CEP350: variants seen among roughly 807,000 people sequenced by gnomAD.
The protein encoded by CEP350 is centrosome-associated protein 350.
In CEP350, 126 loss-of-function variants were observed where a neutral mutation model predicts 331.8. The ratio of observed to expected loss-of-function variants is 0.38; its 90% CI spans 0.33 to 0.44. The LOEUF (loss-of-function observed/expected upper bound fraction) is 0.44, where lower values mean the gene tolerates loss of function less well. Among genes scored for constraint, CEP350 ranks in the 20% least tolerant of loss-of-function variants. The probability of loss-of-function intolerance (pLI) is 1.00; values close to 1 mark genes in which losing one functional copy is unlikely to be tolerated. For synonymous variants in CEP350, 1,200 were observed against 1,259.5 expected (o/e 0.95, Z 1.00); for missense variants, 3,406 against 3,634.6 (o/e 0.94, Z 1.62).
At chr1:180,039,709 G>GT (rs1461126075) in intron 17 of CEP350, among the ~76,000 whole-genome samples, 1 of 151,574 alleles carries the variant, frequency 6.6e-6, no homozygotes, top group African/African-American at 2.4e-5. Flanking sequence ...CTCCAACTTT[G>GT]TTTCTTTTTT....
In CEP350 at chr1:179,997,160, G is replaced by C. The variant is rs1355586573; in HGVS notation, c.1003G>C (p.Ala335Pro). The change falls in exon 6 of 38, where the codon GCT becomes CCT. Residue 335 changes from alanine (A) to proline (P), a missense_variant. By Grantham distance (27) the Ala-to-Pro change is conservative (BLOSUM62 -1). Transcript: ENST00000367607. ...KVRKVATAPP[A>P]PAYKGFNPSE... Reference sequence around the variant, plus strand: ...CAGAAAAGTGGCAACAGCACCACCTGCTCCAGCATATAAAGGTTTGTAATC... The same window carrying C: ...CAGAAAAGTGGCAACAGCACCACCTCCTCCAGCATATAAAGGTTTGTAATC... 3.1e-6 allele frequency: 5 copies of C among 1,612,712 alleles called. No individual in the cohort carries two copies. Among genetic ancestry groups the C allele is most frequent in the Non-Finnish European group, 4.2e-6 (5 of 1,179,316 alleles).
chr1:180,023,170 G>A (rs534353928), intron 13 of CEP350, among the ~76,000 whole-genome samples: 25 of 152,230 alleles, frequency 1.6e-4, no homozygotes, highest in African/African-American at 6.0e-4. Flanking sequence ...ATATAGGGAG[G>A]CTGAGGCACG....
chr1:179,994,798 G>A (rs571023527), intron 5 of CEP350, among the ~76,000 whole-genome samples: 1 of 152,158 alleles, frequency 6.6e-6, no homozygotes, highest in South Asian at 2.1e-4. Flanking sequence ...AGGATCTAAA[G>A]TTTTTTGGGT....
intron 12 of CEP350, among the ~76,000 whole-genome samples, chr1:180,021,670 G>T (rs1412692583): frequency 1.3e-5 from 2 of 151,754 alleles, no homozygotes; most frequent in Non-Finnish European, 2.9e-5. Context: ...AAAAAGAAAA[G>T]AAACTAAGTA....
At chr1:180,108,383 C>T (rs965949050) in intron 37 of CEP350, among the ~76,000 whole-genome samples, 1 of 152,122 alleles carries the variant, frequency 6.6e-6, no homozygotes, top group African/African-American at 2.4e-5. Flanking sequence ...CCTGTAATCC[C>T]AGCACTTTGG....
chr1:180,025,894 A>G (rs1243400758), intron 14 of CEP350, among the ~76,000 whole-genome samples: 1 of 152,184 alleles, frequency 6.6e-6, no homozygotes, highest in Non-Finnish European at 1.5e-5. Flanking sequence ...CTGCACATGT[A>G]TCCCAGAACT....
At chr1:180,091,288 C>T (rs1441125179) in intron 33 of CEP350, among the ~76,000 whole-genome samples, 1 of 151,928 alleles carries the variant, frequency 6.6e-6, no homozygotes, top group East Asian at 1.9e-4. Context: ...TTGAACATTA[C>T]CAGCACTTCA....
chr1:179,955,521 T>G (rs1280879964), intron 1 of CEP350, among the ~76,000 whole-genome samples: 1 of 152,224 alleles, frequency 6.6e-6, no homozygotes, highest in Non-Finnish European at 1.5e-5. Flanking sequence ...GTGGCAGGGA[T>G]GATCAGTTTC....
intron 1 of CEP350, among the ~76,000 whole-genome samples, chr1:179,972,381 G>C (rs1176246643): frequency 1.3e-5 from 2 of 152,160 alleles, no homozygotes; most frequent in Non-Finnish European, 2.9e-5. Context: ...AACTAGAGAA[G>C]TGGGAAGATG....
intron 8 of CEP350, 119 bp from the exon 9 acceptor site, chr1:180,011,810 T>C (rs1441193578): frequency 1.5e-6 from 1 of 663,478 alleles, no homozygotes; most frequent in Non-Finnish European, 2.5e-6. Flanking sequence ...CATTATATTG[T>C]AAATCTTTTG....
chr1:180,016,382 G>A (rs1295297745), intron 11 of CEP350, among the ~76,000 whole-genome samples: 3 of 152,056 alleles, frequency 2.0e-5, no homozygotes, highest in African/African-American at 7.2e-5. Context: ...AGCTACCTTT[G>A]GATATGCTTG....
In CEP350 at chr1:180,048,852, T is replaced by G. The variant is rs919640346; in HGVS notation, c.4792+147T>G. 3 of 668,670 alleles carry G rather than the reference T, an allele frequency of 4.5e-6. No homozygotes were observed. The African/African-American group carries it at 5.5e-5, about 12-fold the overall frequency. 41.4% of individuals were successfully genotyped at this position (668,670 alleles called of 1,614,324 possible). On this transcript the variant is annotated intron_variant, in intron 22 of 37. Coordinates refer to ENST00000367607, the MANE Select transcript of CEP350 (RefSeq NM_014810.5). ...GGGAGGCTGAGCTGGGAGAATTGCT[T>G]GAGCCTAGGAGTTTGAAACCAGCCA...
chr1:180,003,085 G>A (rs1653971924), intron 6 of CEP350, 89 bp from the exon 7 acceptor site: 3 of 789,786 alleles, frequency 3.8e-6, no homozygotes, highest in East Asian at 5.4e-5. Context: ...TTTTATGTAT[G>A]TCGATTATAT....
intron 26 of CEP350, among the ~76,000 whole-genome samples, chr1:180,063,707 C>T (rs1658380862): frequency 6.6e-6 from 1 of 151,876 alleles, no homozygotes; most frequent in African/African-American, 2.4e-5. Context: ...CAGCTACTTG[C>T]GAGGCTGAGG....
rs773028985 is a variant in CEP350, at chr1:180,080,679, G to T, written c.6124+18G>T. ...ACAGTCAGGTAAGACTAATCATGAG[G>T]AGTTTTTATTTGTGTTGTATTTGAA... On this transcript the variant is annotated intron_variant, in intron 30 of 37. Coordinates refer to ENST00000367607, the MANE Select transcript of CEP350 (RefSeq NM_014810.5). 7 of 1,609,576 alleles carry T rather than the reference G, an allele frequency of 4.3e-6. No homozygotes were observed. Among genetic ancestry groups the T allele is most frequent in the Non-Finnish European group, 5.1e-6 (6 of 1,176,632 alleles).
In CEP350 at chr1:180,093,743, A is replaced by C. The variant is rs764723257; in HGVS notation, c.7638A>C (p.Ala2546=). ...GNNNGTYDGI[A]YFECKEKHGI... ...ACAATGGAACATATGATGGTATTGCATATTTTGAGTGCAAAGAAAAGCATG... is the reference window on the plus strand; with the variant it reads ...ACAATGGAACATATGATGGTATTGCCTATTTTGAGTGCAAAGAAAAGCATG... The change falls in exon 34 of 38, where the codon GCA becomes GCC. Residue 2546 remains alanine (A), a synonymous_variant. Transcript: ENST00000367607. 5 of 1,614,000 alleles carry C rather than the reference A, an allele frequency of 3.1e-6. No individual in the cohort carries two copies. In the South Asian group the frequency reaches 5.5e-5, roughly 18 times the overall value.
intron 29 of CEP350, 56 bp from the exon 30 acceptor site, chr1:180,080,461 T>C: frequency 6.6e-7 from 1 of 1,515,694 alleles, no homozygotes; most frequent in Non-Finnish European, 9.0e-7. Flanking sequence ...AAATTTTAAA[T>C]AGAATTTTAC....
At chr1:180,082,913 A>G (rs1364879716) in intron 30 of CEP350, among the ~76,000 whole-genome samples, 1 of 152,228 alleles carries the variant, frequency 6.6e-6, no homozygotes, top group Non-Finnish European at 1.5e-5. Flanking sequence ...CTAAGGACTC[A>G]GTATGATGCC....
rs1383612848 is a variant in CEP350 at position 180,078,673 on chromosome 1, A to G, written c.5978A>G (p.His1993Arg). 1.3e-6 allele frequency: 2 copies of G among 1,587,708 alleles called. No homozygotes were observed. Among genetic ancestry groups the G allele is most frequent in the East Asian group, 2.3e-5 (1 of 43,820 alleles). Reference sequence around the variant, plus strand: ...GAATCTTCTACCTCTCCTAGTAAACATGTAAGTTAATGTATATTTATATCT... The same window carrying G: ...GAATCTTCTACCTCTCCTAGTAAACGTGTAAGTTAATGTATATTTATATCT... ...ELESSTSPSK[H>R]SLPKSCTSVS... The change falls in exon 29 of 38, where the codon CAT becomes CGT. Residue 1993 changes from histidine (H) to arginine (R), a missense_variant and splice_region_variant. Transcript: ENST00000367607.
Sources: gnomAD v4.1 joint callset for allele counts (sites outside exome capture counted in the v4.1 genomes callset) on GRCh38, gnomAD v4.1.1 for gene constraint, MANE v1.5 for transcripts, NCBI Gene and HGNC (gene_info 2026-07-23, HGNC 2026-07-21) for gene names.